PLCG2: variants seen among roughly 807,000 people sequenced by gnomAD.
The protein encoded by PLCG2 is 1-phosphatidylinositol 4,5-bisphosphate phosphodiesterase gamma-2.
PLCG2 carries 69 observed loss-of-function variants against 175.6 expected under a neutral mutation model. The ratio of observed to expected loss-of-function variants is 0.39; its 90% confidence interval spans 0.32 to 0.48. The LOEUF (loss-of-function observed/expected upper bound fraction) is 0.48. Among genes scored for constraint, PLCG2 ranks in the 20% least tolerant of loss-of-function variants. The pLI, the probability that PLCG2 is intolerant of heterozygous loss-of-function variation, is 0.91. For synonymous variants in PLCG2, 827 were observed against 624.0 expected (o/e 1.33, Z -4.85); for missense variants, 1,798 against 1,650.9 (o/e 1.09, Z -1.54).
chr16:81,921,580 G>T (rs566100100), intron 21 of PLCG2: 9 of 387,842 alleles, frequency 2.3e-5, no homozygotes, highest in African/African-American at 1.9e-4. Context: ...GACAGAGCCT[G>T]TGGTGTTTAT....
At chr16:81,843,946 C>T (rs1905969931) in intron 2 of PLCG2, among the ~76,000 whole-genome samples, 1 of 151,762 alleles carries the variant, frequency 6.6e-6, no homozygotes, top group Non-Finnish European at 1.5e-5. Context: ...TTTCCTTTTT[C>T]CTTTTCGTTT....
intron 2 of PLCG2, among the ~76,000 whole-genome samples, chr16:81,825,299 T>TTTTG (rs1555509897): frequency 0.014 from 1,998 of 147,480 alleles, 10 homozygotes; most frequent in African/African-American, 0.022. Flanking sequence ...TTTTTTTTTT[T>TTTTG]TTTTTTTGAG....
At chr16:81,779,480 C>T (rs996744021) in intron 1 of PLCG2, 56 bp downstream of exon 1, 16 of 151,632 alleles carry the variant, frequency 1.1e-4, no homozygotes, top group African/African-American at 3.9e-4. Context: ...CTGCGCCCCG[C>T]GGGGACCGGC....
chr16:81,838,728 A>G (rs1024861365), intron 2 of PLCG2, among the ~76,000 whole-genome samples: 3 of 151,702 alleles, frequency 2.0e-5, no homozygotes, highest in African/African-American at 7.3e-5. Context: ...ATGCCTATGT[A>G]ACAAACCTGC....
At chr16:81,821,830 G>A (rs1054813621) in intron 2 of PLCG2, among the ~76,000 whole-genome samples, 1 of 151,906 alleles carries the variant, frequency 6.6e-6, no homozygotes, top group African/African-American at 2.4e-5. Context: ...CAACTTTTGG[G>A]GACCCCTCCC....
chr16:81,947,689 C>G (rs967038511), intron 31 of PLCG2, among the ~76,000 whole-genome samples: 1 of 152,158 alleles, frequency 6.6e-6, no homozygotes, highest in Non-Finnish European at 1.5e-5. Flanking sequence ...ACTTTACACA[C>G]CTTCTGAAGA....
chr16:81,812,280 A>G (rs1170431806), intron 2 of PLCG2, among the ~76,000 whole-genome samples: 2 of 151,540 alleles, frequency 1.3e-5, no homozygotes, highest in Non-Finnish European at 2.9e-5. Flanking sequence ...TGATCTCCTG[A>G]CCTCGTGATC....
At chr16:81,768,384 A>G (rs537372570) in intron 2 of PLCG2, among the ~76,000 whole-genome samples, 66 of 152,278 alleles carry the variant, frequency 4.3e-4, no homozygotes, top group Admixed American at 1.1e-3. Context: ...TTCTGTGGAC[A>G]TATGTTTTCA....
chr16:81,778,989 C>G (rs1011484361), upstream of PLCG2, among the ~76,000 whole-genome samples: 1 of 152,070 alleles, frequency 6.6e-6, no homozygotes, highest in Non-Finnish European at 1.5e-5. Flanking sequence ...CGGCAAACAC[C>G]TGGACTGCGG....
At chr16:81,906,120 A>G (rs951689192) in intron 15 of PLCG2, 8 of 152,258 alleles carry the variant, frequency 5.3e-5, no homozygotes, top group Non-Finnish European at 1.2e-4. Flanking sequence ...TAATTAGCGC[A>G]ATCAGGAAAT....
intron 10 of PLCG2, among the ~76,000 whole-genome samples, chr16:81,890,707 G>A (rs994265713): frequency 5.3e-5 from 8 of 152,170 alleles, no homozygotes; most frequent in East Asian, 1.9e-4. Context: ...TCGTTCTCAC[G>A]CAGCAGAAAT....
At chr16:81,807,244 G>A (rs1456481572) in intron 2 of PLCG2, among the ~76,000 whole-genome samples, 1 of 152,174 alleles carries the variant, frequency 6.6e-6, no homozygotes, top group Non-Finnish European at 1.5e-5. Context: ...TCAGGAGAGG[G>A]AGGTCAGCTC....
intron 1 of PLCG2, among the ~76,000 whole-genome samples, chr16:81,751,759 C>T (rs961674976): frequency 5.3e-5 from 8 of 152,132 alleles, no homozygotes; most frequent in Non-Finnish European, 1.2e-4. Flanking sequence ...CAGTGGCTCA[C>T]AGCTGTAATC....
At chr16:81,893,458 C>T (rs964785190) in intron 11 of PLCG2, among the ~76,000 whole-genome samples, 2 of 152,254 alleles carry the variant, frequency 1.3e-5, no homozygotes, top group Non-Finnish European at 2.9e-5. Flanking sequence ...GTCCTCTCCA[C>T]GCTTGCATTG....
chr16:81,827,631 A>T (rs891691480), intron 2 of PLCG2, among the ~76,000 whole-genome samples: 21 of 152,194 alleles, frequency 1.4e-4, no homozygotes, highest in African/African-American at 5.1e-4. Flanking sequence ...CACAGGCTGC[A>T]CACTGGGAAA....
Position 81,961,184 on chromosome 16 carries a change from T to C in PLCG2, c.*3186T>C, listed in dbSNP as rs1012158162. On this transcript the variant is annotated 3_prime_UTR_variant, in exon 33 of 33. Transcript: ENST00000564138. ...TGTAACTACAAAGGGGTTGGAAGAA[T>C]TCAGTGATTCTGCTATCATAAAGCT... The C allele has an allele frequency of 3.5e-5, 8 of 228,492 alleles. No individual in the cohort carries two copies. The highest frequency in any genetic ancestry group is 6.1e-5 in the Non-Finnish European group (7 of 115,224). 14.2% of individuals were successfully genotyped at this position (228,492 alleles called of 1,614,324 possible). A position where few individuals can be genotyped will look rare whatever the true frequency, so the allele number is the denominator to read the frequency against.
At chr16:81,873,340 A>C (rs1597366463) in intron 7 of PLCG2, among the ~76,000 whole-genome samples, 3 of 152,266 alleles carry the variant, frequency 2.0e-5, no homozygotes, top group Admixed American at 6.5e-5. Context: ...CATGATTCAT[A>C]AAAGCTTATC....
At chr16:81,809,868 G>C (rs906041904) in intron 2 of PLCG2, among the ~76,000 whole-genome samples, 1 of 151,862 alleles carries the variant, frequency 6.6e-6, no homozygotes, top group Non-Finnish European at 1.5e-5. Flanking sequence ...AGCAAAAAAA[G>C]AGAATTTACT....
At chr16:81,859,392 T>C (rs1597358628) in intron 5 of PLCG2, 1 of 490,038 alleles carries the variant, frequency 2.0e-6, no homozygotes, top group East Asian at 3.4e-5. Flanking sequence ...AGATGATCTC[T>C]GCCATGGGGC....
Sources: gnomAD v4.1 joint callset for allele counts (sites outside exome capture counted in the v4.1 genomes callset) on GRCh38, gnomAD v4.1.1 for gene constraint, MANE v1.5 for transcripts, NCBI Gene and HGNC (gene_info 2026-07-23, HGNC 2026-07-21) for gene names.